LIFR: variants seen among roughly 807,000 people sequenced by gnomAD.
LIFR encodes leukemia inhibitory factor receptor.
In LIFR, 84 loss-of-function variants were observed where a neutral mutation model predicts 122.2. That is an observed-to-expected ratio of 0.69 (90% CI 0.58 to 0.82). LIFR has a LOEUF of 0.82. Among genes scored for constraint, LIFR ranks in the 40% least tolerant of loss-of-function variants. The pLI, the probability that LIFR is intolerant of heterozygous loss-of-function variation, is 0.00. For synonymous variants in LIFR, 422 were observed against 434.7 expected, an observed-to-expected ratio of 0.97 and a Z score of 0.36; for missense variants, 1,294 against 1,311.6, an observed-to-expected ratio of 0.99 and a Z score of 0.21.
chr5:38,475,787 C>G lies in LIFR; in HGVS notation c.*5808G>C, dbSNP rs1168463971. ...GCCAGCTAATGAAAGAGAAGAAAAC[C>G]TAACATCCTTATTAGGAAAGTTAAG... On this transcript the variant is annotated 3_prime_UTR_variant, in exon 20 of 20. Transcript: ENST00000453190. 4 of 188,666 alleles carry G rather than the reference C, an allele frequency of 2.1e-5. No individual in the cohort carries two copies. Among genetic ancestry groups the G allele is most frequent in the Non-Finnish European group, 3.3e-5 (3 of 89,612 alleles). The allele number at this position is 188,666 out of a possible 1,614,324, so 11.7% of individuals were successfully genotyped here.
upstream of LIFR, among the ~76,000 whole-genome samples, chr5:38,597,954 C>T (rs1331367483): frequency 1.3e-5 from 2 of 151,812 alleles, no homozygotes; most frequent in Non-Finnish European, 2.9e-5. Flanking sequence ...CTGGGGTATT[C>T]AAGTTTCATG....
At chr5:38,564,920 C>T (rs1028743574) in intron 1 of LIFR, among the ~76,000 whole-genome samples, 4 of 151,902 alleles carry the variant, frequency 2.6e-5, no homozygotes, top group Admixed American at 2.6e-4. Flanking sequence ...ATTACAGGCG[C>T]CTGCCACCAT....
intron 7 of LIFR, among the ~76,000 whole-genome samples, chr5:38,509,731 A>C (rs1009937548): frequency 3.9e-5 from 6 of 152,236 alleles, no homozygotes; most frequent in African/African-American, 1.4e-4. Flanking sequence ...TGTCAGTGAC[A>C]CCAAAACATT....
intron 7 of LIFR, among the ~76,000 whole-genome samples, chr5:38,507,393 G>A (rs1252684070): frequency 2.0e-5 from 3 of 151,610 alleles, no homozygotes; most frequent in African/African-American, 4.8e-5. Context: ...GTGAAACCCC[G>A]TCTCCACTAA....
At chr5:38,595,725 G>GTTTT (rs1403365437), upstream of LIFR, among the ~76,000 whole-genome samples, 1 of 125,018 alleles carries the variant, frequency 8.0e-6, no homozygotes, top group Admixed American at 8.6e-5. Context: ...ACCACAATAG[G>GTTTT]TCTTTTTTTT....
At chr5:38,502,542 ACC>A in intron 11 of LIFR, 93 bp downstream of exon 11, 1 of 1,034,490 alleles carries the variant, frequency 9.7e-7, no homozygotes, top group Non-Finnish European at 1.5e-6. Context: ...TACAGGTGTG[ACC>A]CACTGCACCC....
Position 38,528,845 on chromosome 5 carries a change from A to T in LIFR, c.143-5T>A. ...ACTTCAAATCATGAGGAGCCCCTGG[A>T]GGAGACACACACACACACACACACA... On this transcript the variant is annotated splice_polypyrimidine_tract_variant and splice_region_variant and intron_variant, in intron 2 of 19. Transcript: ENST00000453190. The T allele has an allele frequency of 7.3e-7, 1 of 1,362,552 alleles. No homozygotes were observed. Among genetic ancestry groups the T allele is most frequent in the Non-Finnish European group, 1.0e-6 (1 of 987,978 alleles). The allele number at this position is 1,362,552 out of a possible 1,614,324, so 84.4% of individuals were successfully genotyped here. A position where few individuals can be genotyped will look rare whatever the true frequency, so the allele number is the denominator to read the frequency against.
chr5:38,485,174 T>C (rs762252773), intron 17 of LIFR, among the ~76,000 whole-genome samples: 10 of 152,200 alleles, frequency 6.6e-5, no homozygotes, highest in Non-Finnish European at 1.0e-4. Flanking sequence ...ACAGCATCCA[T>C]GGCCTCTCAC....
chr5:38,550,132 A>G (rs1748122762), intron 1 of LIFR: 1 of 292,864 alleles, frequency 3.4e-6, no homozygotes, highest in Non-Finnish European at 5.1e-6. Context: ...GATGAGTAAT[A>G]CAAAATTGCC....
chr5:38,499,762 G>A (rs79684756), intron 11 of LIFR, among the ~76,000 whole-genome samples, 179 bp from the exon 12 acceptor site: 15 of 152,090 alleles, frequency 9.9e-5, no homozygotes, highest in Non-Finnish European at 1.8e-4. Flanking sequence ...CAAAACACAC[G>A]GCCCCCTCGA....
chr5:38,582,925 T>A (rs1022417611), intron 1 of LIFR, among the ~76,000 whole-genome samples: 9 of 152,252 alleles, frequency 5.9e-5, no homozygotes, highest in Non-Finnish European at 1.0e-4. Flanking sequence ...ACGCCCTATC[T>A]TCACCGTCCT....
intron 1 of LIFR, among the ~76,000 whole-genome samples, chr5:38,555,646 T>C (rs1748480659): frequency 6.9e-6 from 1 of 145,136 alleles, no homozygotes; most frequent in South Asian, 2.3e-4. Flanking sequence ...CATTAAACAT[T>C]CAAAAAGGAA....
chr5:38,477,179 A>C lies in LIFR; in HGVS notation c.*4416T>G, dbSNP rs921321787. 7.2e-5 allele frequency: 16 copies of C among 221,330 alleles called. No individual in the cohort carries two copies. Among genetic ancestry groups the C allele is most frequent in the African/African-American group, 3.6e-4 (16 of 44,754 alleles). The allele number at this position is 221,330 out of a possible 1,614,324, so 13.7% of individuals were successfully genotyped here. A position where few individuals can be genotyped will look rare whatever the true frequency, so the allele number is the denominator to read the frequency against. On this transcript the variant is annotated 3_prime_UTR_variant, in exon 20 of 20. Coordinates refer to ENST00000453190, the MANE Select transcript of LIFR (RefSeq NM_001127671.2). ...TAATTGAAAAGGAATAAAAAAATCTAACCACCATAGCAAAATAAGGGGTTT... is the reference window on the plus strand; with the variant it reads ...TAATTGAAAAGGAATAAAAAAATCTCACCACCATAGCAAAATAAGGGGTTT...
chr5:38,510,975 G>A (rs1447759069), intron 6 of LIFR, among the ~76,000 whole-genome samples: 1 of 152,152 alleles, frequency 6.6e-6, no homozygotes, highest in African/African-American at 2.4e-5. Flanking sequence ...TAATGGTGAG[G>A]AAGCAGAAGC....
chr5:38,502,916 C>T lies in LIFR; in HGVS notation c.1438-117G>A, dbSNP rs7701409. Reference sequence around the variant, plus strand: ...TAAGAAAGCCTTCACATTTGTAACACAAACCAACGGAATGTCAATGAGTTT... The same window carrying T: ...TAAGAAAGCCTTCACATTTGTAACATAAACCAACGGAATGTCAATGAGTTT... On this transcript the variant is annotated intron_variant, in intron 10 of 19. Coordinates refer to ENST00000453190, the MANE Select transcript of LIFR (RefSeq NM_001127671.2). 3,668 of 491,406 alleles carry T rather than the reference C, an allele frequency of 7.5e-3. 104 individuals carry two copies. The highest frequency in any genetic ancestry group is 0.064 in the African/African-American group (3,235 of 50,220). 30.4% of individuals were successfully genotyped at this position (491,406 alleles called of 1,614,324 possible).
chr5:38,508,047 T>C (rs1745592104), intron 7 of LIFR, among the ~76,000 whole-genome samples: 1 of 152,194 alleles, frequency 6.6e-6, no homozygotes, highest in Non-Finnish European at 1.5e-5. Flanking sequence ...AAATGCTGGT[T>C]ATTTTAGGAT....
intron 6 of LIFR, among the ~76,000 whole-genome samples, chr5:38,511,489 C>G (rs1745801152): frequency 6.6e-6 from 1 of 150,726 alleles, no homozygotes; most frequent in African/African-American, 2.4e-5. Flanking sequence ...TTTTTTTAAA[C>G]ATAGATTTCA....
intron 5 of LIFR, among the ~76,000 whole-genome samples, chr5:38,513,317 T>C (rs1441338765): frequency 6.6e-6 from 1 of 152,164 alleles, no homozygotes; most frequent in Non-Finnish European, 1.5e-5. Context: ...ATCACAGAAA[T>C]GCCAAAGGGC....
chr5:38,493,262 T>C (rs2112415179), intron 14 of LIFR, among the ~76,000 whole-genome samples: 2 of 152,338 alleles, frequency 1.3e-5, no homozygotes, highest in South Asian at 4.1e-4. Flanking sequence ...ATTTTTAATG[T>C]TACTTAACAT....
Sources: gnomAD v4.1 joint callset for allele counts (sites outside exome capture counted in the v4.1 genomes callset) on GRCh38, gnomAD v4.1.1 for gene constraint, MANE v1.5 for transcripts, NCBI Gene and HGNC (gene_info 2026-07-23, HGNC 2026-07-21) for gene names.